Variants in ERG observed in about 807,000 individuals in gnomAD.
ERG encodes transcriptional regulator ERG.
In ERG, 9 loss-of-function variants were observed where a neutral mutation model predicts 55.3. The observed-to-expected ratio is 0.16, with a 90% confidence interval of 0.10 to 0.28. The LOEUF is 0.28. ERG is among the 10% of genes least tolerant of loss of function. The pLI is 1.00. For missense variants in ERG, 434 were observed against 631.6 expected, an observed-to-expected ratio of 0.69 and a Z score of 3.35; for synonymous variants, 223 against 237.3, an observed-to-expected ratio of 0.94 and a Z score of 0.55.
intron 1 of ERG, among the ~76,000 whole-genome samples, chr21:38,494,061 T>A (rs1041208500): frequency 6.6e-6 from 1 of 152,156 alleles, no homozygotes; most frequent in African/African-American, 2.4e-5. Context: ...ATTTTACAGG[T>A]GACGAAACTG....
chr21:38,648,817 T>C (rs8133992), intron 1 of ERG, among the ~76,000 whole-genome samples: 2,574 of 152,306 alleles, frequency 0.017, 75 homozygotes, highest in African/African-American at 0.058. Flanking sequence ...CTGATTTCAT[T>C]GGACTCGCTG....
intron 1 of ERG, among the ~76,000 whole-genome samples, chr21:38,590,605 T>C (rs200988089): frequency 2.1e-5 from 2 of 94,758 alleles, no homozygotes; most frequent in Non-Finnish European, 4.9e-5. Flanking sequence ...TCCATCCATG[T>C]ATTCATGTAT....
chr21:38,577,793 G>T (rs143241550), intron 1 of ERG, among the ~76,000 whole-genome samples: 19 of 152,300 alleles, frequency 1.2e-4, no homozygotes, highest in African/African-American at 4.1e-4. Context: ...GGCTATTTCC[G>T]TATGTCTGGA....
chr21:38,373,142 T>C, the ERG span, among the ~76,000 whole-genome samples: 2 of 152,150 alleles, frequency 1.3e-5, no homozygotes, highest in Admixed American at 1.3e-4. Flanking sequence ...AGGCTTCAGC[T>C]CCCTGGCAGA....
chr21:38,541,626 T>C (rs1004245241), intron 2 of ERG, among the ~76,000 whole-genome samples: 1 of 152,240 alleles, frequency 6.6e-6, no homozygotes, highest in African/African-American at 2.4e-5. Flanking sequence ...GAGTGATTTA[T>C]GCTAAAATAC....
chr21:38,640,661 C>T (rs575283836), intron 1 of ERG, among the ~76,000 whole-genome samples: 3 of 152,280 alleles, frequency 2.0e-5, no homozygotes, highest in Non-Finnish European at 4.4e-5. Context: ...GATTGTGAGG[C>T]CTCCCCAGCC....
intron 2 of ERG, among the ~76,000 whole-genome samples, chr21:38,542,280 G>T (rs903043306): frequency 6.6e-6 from 1 of 152,108 alleles, no homozygotes; most frequent in Non-Finnish European, 1.5e-5. Context: ...GAGTCACCGC[G>T]CCTGGCCTAT....
intron 1 of ERG, among the ~76,000 whole-genome samples, chr21:38,456,627 A>G (rs2058992149): frequency 6.6e-6 from 1 of 152,158 alleles, no homozygotes. Context: ...CACACACTGT[A>G]TAACGCAGAC....
chr21:38,533,873 C>A (rs1337164877), intron 2 of ERG, among the ~76,000 whole-genome samples: 1 of 152,154 alleles, frequency 6.6e-6, no homozygotes, highest in Non-Finnish European at 1.5e-5. Context: ...CTTAAAATAG[C>A]CTGCCTTCAG....
At chr21:38,490,790 G>T (rs1228810564) in intron 1 of ERG, among the ~76,000 whole-genome samples, 1 of 152,230 alleles carries the variant, frequency 6.6e-6, no homozygotes, top group Non-Finnish European at 1.5e-5. Context: ...CCCTCTCCCA[G>T]ATGGGCCTCT....
At chr21:38,396,522 A>C (rs1172081435) in intron 6 of ERG, among the ~76,000 whole-genome samples, 2 of 152,230 alleles carry the variant, frequency 1.3e-5, no homozygotes, top group Non-Finnish European at 2.9e-5. Context: ...AGCAGCTTCA[A>C]AGTAGAAGCA....
intron 1 of ERG, among the ~76,000 whole-genome samples, chr21:38,477,007 CTT>C (rs397867221): frequency 1.9e-4 from 16 of 84,162 alleles, no homozygotes; most frequent in African/African-American, 7.0e-4. Flanking sequence ...TCTTTCTTTC[CTT>C]TTTTTTTTTT....
Position 38,428,278 on chromosome 21 carries a change from T to G in ERG, c.237-4717A>C, listed in dbSNP as rs373631691. Among the ~76,000 whole-genome samples the G allele has an allele frequency of 5.9e-5, 9 of 152,244 alleles. No individual in the cohort carries two copies. In the East Asian group the frequency reaches 1.7e-3, roughly 29 times the overall value. On this transcript the variant is annotated intron_variant, in intron 2 of 9. Coordinates refer to ENST00000288319, the MANE Select transcript of ERG (RefSeq NM_182918.4). ...TTGAAAGTCTCACTATAAATACATT[T>G]CTAGCTCTGTGCCCAAGAAAAGATC...
chr21:38,530,856 T>G (rs767195744), intron 2 of ERG, among the ~76,000 whole-genome samples: 2 of 152,210 alleles, frequency 1.3e-5, no homozygotes, highest in Non-Finnish European at 2.9e-5. Context: ...TAATGATGTC[T>G]AAAGAGGAAA....
chr21:38,461,129 A>ATG (rs2059038549), intron 1 of ERG, among the ~76,000 whole-genome samples: 2 of 152,194 alleles, frequency 1.3e-5, no homozygotes, highest in Non-Finnish European at 2.9e-5. Context: ...GGGCTTAAGC[A>ATG]ACAGACATTT....
chr21:38,586,075 GTTC>G (rs1052446467), upstream of ERG, among the ~76,000 whole-genome samples: 14 of 151,228 alleles, frequency 9.3e-5, no homozygotes, highest in Admixed American at 2.6e-4. Context: ...TGAAATAGGA[GTTC>G]TTATTTTCCT....
chr21:38,486,369 T>C (rs2059285675), intron 1 of ERG, among the ~76,000 whole-genome samples: 2 of 152,238 alleles, frequency 1.3e-5, no homozygotes, highest in South Asian at 2.1e-4. Context: ...GCTACACTTA[T>C]AGCCTGTAGC....
intron 1 of ERG, among the ~76,000 whole-genome samples, chr21:38,660,984 G>T (rs771697905): frequency 6.6e-6 from 1 of 152,038 alleles, no homozygotes; most frequent in African/African-American, 2.4e-5. Context: ...CGCGGCTGGC[G>T]GCTCCGGGAG....
intron 1 of ERG, among the ~76,000 whole-genome samples, chr21:38,648,534 A>G (rs2060470488): frequency 6.6e-6 from 1 of 152,160 alleles, no homozygotes; most frequent in Non-Finnish European, 1.5e-5. Context: ...CTTATGAATA[A>G]TTTTCAAAAA....
Sources: gnomAD v4.1 joint callset for allele counts (sites outside exome capture counted in the v4.1 genomes callset) on GRCh38, gnomAD v4.1.1 for gene constraint, MANE v1.5 for transcripts, NCBI Gene and HGNC (gene_info 2026-07-23, HGNC 2026-07-21) for gene names.